Variants in NHERF1 observed in about 807,000 individuals in gnomAD.
The protein encoded by NHERF1 is NHERF family PDZ scaffold protein 1.
chr17:74,749,696 G>A, the NHERF1 span, among the ~76,000 whole-genome samples: 1 of 151,904 alleles, frequency 6.6e-6, no homozygotes, highest in Non-Finnish European at 1.5e-5. The surrounding 1 kb of genome is among the most constrained non-coding windows in gnomAD (Gnocchi z 5.6). Flanking sequence ...GGGAGAAAGG[G>A]CTCTCCGCCC....
the NHERF1 span, chr17:74,766,837 A>G: frequency 9.0e-7 from 1 of 1,114,406 alleles, no homozygotes; most frequent in African/African-American, 1.5e-5. Context: ...TGACCCAGGG[A>G]ACAAGATCTA....
the NHERF1 span, chr17:74,769,007 A>G: frequency 2.8e-6 from 1 of 361,284 alleles, no homozygotes; most frequent in Non-Finnish European, 5.2e-6. Flanking sequence ...CATGTGATAA[A>G]TGGGTCCAGG....
the NHERF1 span, among the ~76,000 whole-genome samples, chr17:74,756,273 CTTTTTTTTTTTTTT>C: frequency 1.4e-5 from 1 of 71,992 alleles, no homozygotes; most frequent in African/African-American, 5.7e-5. Context: ...TTCTTTCTTT[CTTTTTTTTTTTTTT>C]TTTTTTTTTG....
chr17:74,748,904 G>T, the NHERF1 span: 1 of 1,599,994 alleles, frequency 6.3e-7, no homozygotes, highest in Non-Finnish European at 8.5e-7. This position sits in a 1 kb window ranked among gnomAD's most constrained non-coding sequence, Gnocchi z 4.3. Context: ...CCTGGAGAAG[G>T]GTCCGAACGG....
At chr17:74,759,458 G>A in the NHERF1 span, among the ~76,000 whole-genome samples, 1 of 152,110 alleles carries the variant, frequency 6.6e-6, no homozygotes, top group African/African-American at 2.4e-5. Flanking sequence ...GCCAGAGGAT[G>A]GGCATCCCAA....
the NHERF1 span, chr17:74,766,793 C>A: frequency 1.3e-5 from 10 of 797,628 alleles, no homozygotes; most frequent in Admixed American, 3.7e-5. Flanking sequence ...CAAATGTATT[C>A]ATGGTGGGTG....
At chr17:74,763,307 A>G in the NHERF1 span, 1 of 1,555,202 alleles carries the variant, frequency 6.4e-7, no homozygotes, top group Non-Finnish European at 8.8e-7. Context: ...ACCCCCCTCC[A>G]CTTACCTGCC....
chr17:74,764,788 C>G, the NHERF1 span, among the ~76,000 whole-genome samples: 3 of 152,200 alleles, frequency 2.0e-5, no homozygotes, highest in African/African-American at 7.2e-5. This position sits in a 1 kb window ranked among gnomAD's most constrained non-coding sequence, Gnocchi z 4.9. Context: ...GGCATCCTCA[C>G]CCTTTCCATA....
the NHERF1 span, among the ~76,000 whole-genome samples, chr17:74,752,089 G>A: frequency 6.6e-6 from 1 of 152,170 alleles, no homozygotes; most frequent in African/African-American, 2.4e-5. Flanking sequence ...TGCCACTGTG[G>A]CCAAGCCTGG....
chr17:74,753,734 CAG>C, the NHERF1 span, among the ~76,000 whole-genome samples: 12 of 146,342 alleles, frequency 8.2e-5, no homozygotes, highest in Admixed American at 6.2e-4. Flanking sequence ...ACCAAAAAAA[CAG>C]GGGGAGGGGG....
At chr17:74,757,476 C>T in the NHERF1 span, among the ~76,000 whole-genome samples, 1 of 152,088 alleles carries the variant, frequency 6.6e-6, no homozygotes, top group African/African-American at 2.4e-5. Flanking sequence ...CAGTGACAGC[C>T]AAGCCCCCTG....
chr17:74,759,837 G>A, the NHERF1 span, among the ~76,000 whole-genome samples: 8 of 152,228 alleles, frequency 5.3e-5, no homozygotes, highest in Admixed American at 5.2e-4. Flanking sequence ...AGAGACCAGG[G>A]TTGGAGTTCT....
At chr17:74,768,531 G>A in the NHERF1 span, 51 of 1,613,584 alleles carry the variant, frequency 3.2e-5, no homozygotes, top group Non-Finnish European at 4.2e-5. Flanking sequence ...CTCCTCCTCC[G>A]ACCCCATCCT....
At chr17:74,768,913 T>C in the NHERF1 span, 1 of 513,226 alleles carries the variant, frequency 1.9e-6, no homozygotes, top group South Asian at 2.1e-5. Flanking sequence ...GGTGTCCCTT[T>C]GCCACCCTGC....
At chr17:74,764,691 C>T in the NHERF1 span, among the ~76,000 whole-genome samples, 30 of 152,332 alleles carry the variant, frequency 2.0e-4, no homozygotes, top group African/African-American at 6.0e-4. The surrounding 1 kb of genome is among the most constrained non-coding windows in gnomAD (Gnocchi z 4.9). Context: ...GCCTGTCTCT[C>T]GGGCTAGAGG....
the NHERF1 span, chr17:74,766,784 A>C: frequency 1.3e-6 from 1 of 744,400 alleles, no homozygotes; most frequent in South Asian, 1.5e-5. Flanking sequence ...TAAATAAGGC[A>C]AATGTATTCA....
At chr17:74,757,681 A>T in the NHERF1 span, among the ~76,000 whole-genome samples, 1 of 152,064 alleles carries the variant, frequency 6.6e-6, no homozygotes, top group Non-Finnish European at 1.5e-5. Flanking sequence ...GAATCTGGGG[A>T]ACAAACTGAG....
the NHERF1 span, chr17:74,767,850 C>T: frequency 2.2e-6 from 1 of 457,470 alleles, no homozygotes; most frequent in Non-Finnish European, 4.2e-6. Context: ...CAAGCCAGTA[C>T]CTAAAAGCCA....
chr17:74,751,568 G>A, the NHERF1 span, among the ~76,000 whole-genome samples: 6 of 152,354 alleles, frequency 3.9e-5, no homozygotes, highest in African/African-American at 1.4e-4. The surrounding 1 kb of genome is among the most constrained non-coding windows in gnomAD (Gnocchi z 4.3). Flanking sequence ...AGGGGTGCCT[G>A]TAACACTGGC....
Sources: allele counts gnomAD v4.1 joint callset (sites outside exome capture counted in the v4.1 genomes callset), GRCh38; gene constraint gnomAD v4.1.1; non-coding constraint Gnocchi (gnomAD v3.1); transcripts MANE v1.5; gene names NCBI Gene and HGNC (gene_info 2026-07-23, HGNC 2026-07-21).